Variants in PDLIM3 observed in about 807,000 individuals in gnomAD.
PDLIM3 encodes PDZ and LIM domain protein 3.
A neutral mutation model predicts 37.3 loss-of-function variants in PDLIM3; 36 were observed. That is an observed-to-expected ratio of 0.97 (90% CI 0.74 to 1.28). The LOEUF is 1.28. PDLIM3 is among the 50% of genes most tolerant of loss of function. The probability of loss-of-function intolerance (pLI) is 0.00; values close to 1 mark genes in which losing one functional copy is unlikely to be tolerated. For missense variants in PDLIM3, 454 were observed against 485.0 expected (o/e 0.94, Z 0.60); for synonymous variants, 174 against 182.4 (o/e 0.95, Z 0.37).
At position 185,522,888 on chromosome 4, in the gene PDLIM3, T is replaced by C. The variant is rs1234075010; in HGVS notation, c.330+474A>G. ...CACTCTTTTCTTAGAGTAAATTTAATTACAGAATCCCAGAAATGAGAATTA... is the reference window on the plus strand; with the variant it reads ...CACTCTTTTCTTAGAGTAAATTTAACTACAGAATCCCAGAAATGAGAATTA... On this transcript the variant is annotated intron_variant, in intron 3 of 7. Transcript: ENST00000284767. Among the ~76,000 whole-genome samples the C allele has an allele frequency of 1.3e-5, 2 of 148,812 alleles. 1 individual carries two copies. The highest frequency in any genetic ancestry group is 4.9e-5 in the African/African-American group (2 of 41,150).
chr4:185,506,741 C>T, intron 5 of PDLIM3, 89 bp from the exon 6 acceptor site: 1 of 1,243,032 alleles, frequency 8.0e-7, no homozygotes, highest in Non-Finnish European at 1.2e-6. Flanking sequence ...TCAGCCATTA[C>T]TCTATGCACA....
At chr4:185,531,661 A>C (rs1479910229) in intron 1 of PDLIM3, among the ~76,000 whole-genome samples, 1 of 152,058 alleles carries the variant, frequency 6.6e-6, no homozygotes, top group African/African-American at 2.4e-5. Flanking sequence ...TGAGGCGGGG[A>C]GTGAAGGGTA....
chr4:185,512,721 C>T (rs1278752327), intron 4 of PDLIM3: 2 of 985,094 alleles, frequency 2.0e-6, no homozygotes, highest in African/African-American at 3.5e-5. Flanking sequence ...GTCACACTAA[C>T]CTGAAAAGAA....
intron 4 of PDLIM3, chr4:185,513,945 C>T (rs1440573484): frequency 1.1e-5 from 14 of 1,224,264 alleles, no homozygotes; most frequent in African/African-American, 1.6e-5. Context: ...GCTTTCCTGA[C>T]CTGGGATAGA....
intron 3 of PDLIM3, among the ~76,000 whole-genome samples, chr4:185,518,327 T>C (rs1011470580): frequency 9.8e-5 from 15 of 152,294 alleles, no homozygotes; most frequent in Admixed American, 7.8e-4. Flanking sequence ...AGGCTTCACC[T>C]TTCAACTTCT....
At chr4:185,517,746 C>T (rs1228854592) in intron 3 of PDLIM3, 2 of 151,698 alleles carry the variant, frequency 1.3e-5, no homozygotes, top group African/African-American at 4.8e-5. Context: ...CTAATACAGG[C>T]TGCAAACATT....
rs1000003378 is a variant in PDLIM3 at position 185,535,018 on chromosome 4, T to A, written c.93+324A>T. Among the ~76,000 whole-genome samples, 67 of 152,232 alleles carry A rather than the reference T, an allele frequency of 4.4e-4. 1 individual carries two copies. The highest frequency in any genetic ancestry group is 5.4e-4 in the Non-Finnish European group (37 of 68,036). ...TTTCTGTTATCACATATAAAACATT[T>A]AAAACCTAAAGGGGAGGAGGCACTC... On this transcript the variant is annotated intron_variant, in intron 1 of 7. Transcript: ENST00000284767.
intron 1 of PDLIM3, among the ~76,000 whole-genome samples, chr4:185,530,949 T>C (rs2095743127): frequency 6.8e-6 from 1 of 146,562 alleles, no homozygotes. Context: ...AACTTTATCA[T>C]AGGTATGCAT....
chr4:185,503,149 G>A (rs1041132901), intron 7 of PDLIM3, among the ~76,000 whole-genome samples: 3 of 152,210 alleles, frequency 2.0e-5, no homozygotes, highest in Admixed American at 6.5e-5. Flanking sequence ...GTGTGAACCC[G>A]GGAGGCGGAG....
rs1007621939 is a variant in PDLIM3, at chr4:185,514,378, G to A, written c.331-41C>T. On this transcript the variant is annotated intron_variant, in intron 3 of 7. Transcript: ENST00000284767. This position sits in a 1 kb window ranked among gnomAD's most constrained non-coding sequence, Gnocchi z 4.0. ...GTTAAAAAGGCCCTCAGTGGAAGGC[G>A]GACACTGTTGCAGATAAGATTAAAC... is the stretch of plus-strand genomic sequence containing the variant. The A allele has an allele frequency of 4.3e-6, 7 of 1,613,952 alleles. No homozygotes were observed. Among genetic ancestry groups the A allele is most frequent in the East Asian group, 4.5e-5 (2 of 44,900 alleles).
chr4:185,509,182 G>A (rs1224209993), intron 4 of PDLIM3, among the ~76,000 whole-genome samples: 1 of 152,056 alleles, frequency 6.6e-6, no homozygotes, highest in Non-Finnish European at 1.5e-5. Flanking sequence ...TAAATATTTT[G>A]TTACTATTTT....
chr4:185,521,399 CT>C (rs528835696), intron 3 of PDLIM3, among the ~76,000 whole-genome samples: 12,647 of 44,948 alleles, frequency 0.28, 3,683 homozygotes, highest in African/African-American at 0.44. Context: ...CTTTTCTTTT[CT>C]TTTTTTTTTT....
rs761636500 is a variant in PDLIM3 at position 185,535,475 on chromosome 4, G to A, written c.-41C>T. 2.5e-5 allele frequency: 38 copies of A among 1,514,990 alleles called. No individual in the cohort carries two copies. The highest frequency in any genetic ancestry group is 9.7e-5 in the South Asian group (8 of 82,440). 93.8% of individuals were successfully genotyped at this position (1,514,990 alleles called of 1,614,324 possible). ...CCCACCGGGCTCTAAGTGTCCCCGCGCAGGGCAGCCACTCCGCGCCGGGCG... is the reference window on the plus strand; with the variant it reads ...CCCACCGGGCTCTAAGTGTCCCCGCACAGGGCAGCCACTCCGCGCCGGGCG... On this transcript the variant is annotated 5_prime_UTR_variant, in exon 1 of 8. Coordinates refer to ENST00000284767, the MANE Select transcript of PDLIM3 (RefSeq NM_014476.6).
intron 1 of PDLIM3, among the ~76,000 whole-genome samples, chr4:185,532,129 C>T (rs2095745631): frequency 6.6e-6 from 1 of 152,050 alleles, no homozygotes; most frequent in Non-Finnish European, 1.5e-5. Flanking sequence ...GACAAATCAA[C>T]TCACAATAAA....
intron 1 of PDLIM3, among the ~76,000 whole-genome samples, chr4:185,526,486 G>A (rs544051035): frequency 1.3e-5 from 2 of 152,232 alleles, no homozygotes; most frequent in South Asian, 4.2e-4. Context: ...TAAGAATACA[G>A]AATATGGGAA....
At chr4:185,507,740 A>G (rs1323600314) in intron 5 of PDLIM3, among the ~76,000 whole-genome samples, 1 of 152,182 alleles carries the variant, frequency 6.6e-6, no homozygotes, top group South Asian at 2.1e-4. Flanking sequence ...AAAATTAAAT[A>G]TCTACATTAA....
intron 6 of PDLIM3, among the ~76,000 whole-genome samples, chr4:185,505,626 G>GA (rs56912630): frequency 0.17 from 24,780 of 147,696 alleles, 2,285 homozygotes; most frequent in Middle Eastern, 0.29. Flanking sequence ...TCTCAAAAAA[G>GA]AAAAAAAAAA....
intron 6 of PDLIM3, 106 bp downstream of exon 6, chr4:185,506,416 A>C: frequency 6.7e-7 from 1 of 1,488,746 alleles, no homozygotes; most frequent in East Asian, 2.3e-5. Flanking sequence ...TCCCAATGAA[A>C]ACCAAGTTTT....
intron 1 of PDLIM3, among the ~76,000 whole-genome samples, chr4:185,531,707 A>G (rs2095744664): frequency 6.6e-6 from 1 of 151,748 alleles, no homozygotes; most frequent in South Asian, 2.1e-4. Flanking sequence ...TTTAATGGGG[A>G]CTCGATTAAA....
Sources: allele counts gnomAD v4.1 joint callset (sites outside exome capture counted in the v4.1 genomes callset), GRCh38; gene constraint gnomAD v4.1.1; non-coding constraint Gnocchi (gnomAD v3.1); transcripts MANE v1.5; gene names NCBI Gene and HGNC (gene_info 2026-07-23, HGNC 2026-07-21).